Variants in SAMD12 observed in about 807,000 individuals in gnomAD.
The protein encoded by SAMD12 is sterile alpha motif domain containing 12.
In SAMD12, 9 loss-of-function variants were observed where a neutral mutation model predicts 15.0. The observed-to-expected ratio is 0.60, with a 90% CI of 0.36 to 1.05. The LOEUF is 1.05. Ranked by LOEUF, SAMD12 falls within the 50% of genes least tolerant of loss-of-function variation. The probability of loss-of-function intolerance (pLI) is 0.01; values close to 1 mark genes in which losing one functional copy is unlikely to be tolerated. For synonymous variants in SAMD12, 86 were observed against 90.1 expected, an observed-to-expected ratio of 0.96 and a Z score of 0.25; for missense variants, 230 against 234.2, an observed-to-expected ratio of 0.98 and a Z score of 0.12.
chr8:118,488,626 C>G (rs916868534), intron 2 of SAMD12, among the ~76,000 whole-genome samples: 1 of 152,154 alleles, frequency 6.6e-6, no homozygotes, highest in Non-Finnish European at 1.5e-5. Context: ...TGGGGTGATA[C>G]AGCATACAGT....
At chr8:118,336,219 G>C (rs1817052511) in intron 4 of SAMD12, among the ~76,000 whole-genome samples, 1 of 152,132 alleles carries the variant, frequency 6.6e-6, no homozygotes, top group African/African-American at 2.4e-5. Context: ...TTTCCTTCTA[G>C]AAAAGGTAAT....
At chr8:118,429,711 T>C (rs1051738731) in intron 3 of SAMD12, among the ~76,000 whole-genome samples, 7 of 152,086 alleles carry the variant, frequency 4.6e-5, no homozygotes, top group African/African-American at 1.4e-4. Flanking sequence ...CTGGCCAACA[T>C]TGTGAAATCC....
At chr8:118,168,063 G>T in the SAMD12 span, among the ~76,000 whole-genome samples, 1 of 152,128 alleles carries the variant, frequency 6.6e-6, no homozygotes, top group African/African-American at 2.4e-5. Context: ...TAGTGAATAC[G>T]TCTCATGAAA....
At chr8:118,261,505 A>G (rs1813076674) in intron 4 of SAMD12, among the ~76,000 whole-genome samples, 1 of 152,142 alleles carries the variant, frequency 6.6e-6, no homozygotes, top group Non-Finnish European at 1.5e-5. Context: ...ATGACACATT[A>G]AATGATCGTC....
chr8:118,299,446 G>A (rs1049826788), intron 4 of SAMD12, among the ~76,000 whole-genome samples: 1 of 152,158 alleles, frequency 6.6e-6, no homozygotes, highest in African/African-American at 2.4e-5. Flanking sequence ...GTCTCTACAC[G>A]TCCAGTGGTT....
intron 4 of SAMD12, among the ~76,000 whole-genome samples, chr8:118,266,549 G>A (rs1009395298): frequency 6.6e-6 from 1 of 152,106 alleles, no homozygotes; most frequent in Non-Finnish European, 1.5e-5. Context: ...CATGTTCATT[G>A]CAGCATTATT....
chr8:118,563,741 A>G (rs1456536338), intron 2 of SAMD12, among the ~76,000 whole-genome samples: 1 of 152,222 alleles, frequency 6.6e-6, no homozygotes, highest in Non-Finnish European at 1.5e-5. Flanking sequence ...TTGCCTGTCA[A>G]TATTCTCAGA....
intron 4 of SAMD12, among the ~76,000 whole-genome samples, chr8:118,344,681 G>C (rs139372529): frequency 1.3e-5 from 2 of 152,198 alleles, no homozygotes; most frequent in East Asian, 3.8e-4. Context: ...GTCATAGCTC[G>C]ACTAGACAGT....
chr8:118,550,323 G>C (rs1448617457), intron 2 of SAMD12, among the ~76,000 whole-genome samples: 3 of 152,196 alleles, frequency 2.0e-5, no homozygotes, highest in Admixed American at 6.5e-5. Context: ...GACTAACAGT[G>C]GATCTCTCTG....
rs183537433 is a variant in SAMD12 at position 118,447,951 on chromosome 8, A to G, written c.193-7990T>C. Among the ~76,000 whole-genome samples the G allele has an allele frequency of 7.3e-3, 1,107 of 151,328 alleles. 6 individuals are homozygous for G. Among genetic ancestry groups the G allele is most frequent in the Non-Finnish European group, 9.8e-3 (665 of 67,860 alleles). On this transcript the variant is annotated intron_variant, in intron 2 of 3. Coordinates refer to ENST00000314727, the MANE Select transcript of SAMD12 (RefSeq NM_207506.3). ...CACTGTGTTAGCCAAGATGGTCTTGATCTCCTGACCTCGTGATCTGCCCAC... is the reference window on the plus strand; with the variant it reads ...CACTGTGTTAGCCAAGATGGTCTTGGTCTCCTGACCTCGTGATCTGCCCAC...
chr8:118,531,064 C>T (rs1340883626), intron 2 of SAMD12, among the ~76,000 whole-genome samples: 3 of 152,174 alleles, frequency 2.0e-5, no homozygotes, highest in East Asian at 1.9e-4. Flanking sequence ...GGTTTTAGGT[C>T]TAATGTTTAA....
chr8:118,406,702 G>A (rs1367754413), intron 3 of SAMD12, among the ~76,000 whole-genome samples: 1 of 151,974 alleles, frequency 6.6e-6, no homozygotes, highest in East Asian at 1.9e-4. Flanking sequence ...AACTCCCTAG[G>A]CCCTGGCAAC....
Position 118,332,176 on chromosome 8 carries a change from G to A in SAMD12, c.433+47384C>T, listed in dbSNP as rs143442925. Reference sequence around the variant, plus strand: ...GAAATAATAGCTTTTGTAAATATATGTACTCCTGAAAGGCTGAAAGTGTAT... The same window carrying A: ...GAAATAATAGCTTTTGTAAATATATATACTCCTGAAAGGCTGAAAGTGTAT... On this transcript the variant is annotated intron_variant, in intron 4 of 4. Coordinates refer to the SAMD12 transcript ENST00000409003. Among the ~76,000 whole-genome samples the A allele has an allele frequency of 1.1e-4, 16 of 152,270 alleles. No homozygotes were observed. In the South Asian group the frequency reaches 2.7e-3, roughly 26 times the overall value.
chr8:118,268,900 T>C (rs1586403476), intron 4 of SAMD12, among the ~76,000 whole-genome samples: 2 of 152,202 alleles, frequency 1.3e-5, no homozygotes, highest in Non-Finnish European at 2.9e-5. Context: ...CTCTCAGATA[T>C]GACTGGTGAA....
chr8:118,209,854 C>A (rs1316545662), intron 4 of SAMD12, among the ~76,000 whole-genome samples: 1 of 152,170 alleles, frequency 6.6e-6, no homozygotes, highest in Non-Finnish European at 1.5e-5. Flanking sequence ...TCTAGAGAAG[C>A]TATTCACAAA....
intron 4 of SAMD12, among the ~76,000 whole-genome samples, chr8:118,310,923 C>T (rs1053580146): frequency 3.4e-4 from 51 of 152,110 alleles, no homozygotes; most frequent in African/African-American, 1.2e-3. Context: ...TCTTTGTATC[C>T]TCTGTATCTT....
intron 4 of SAMD12, among the ~76,000 whole-genome samples, chr8:118,368,274 C>A (rs1040275880): frequency 1.3e-5 from 2 of 152,102 alleles, no homozygotes; most frequent in African/African-American, 2.4e-5. Context: ...AGATCATAAT[C>A]AAATAAGGTT....
chr8:118,554,715 A>T (rs1349529845), intron 2 of SAMD12, among the ~76,000 whole-genome samples: 3 of 152,082 alleles, frequency 2.0e-5, no homozygotes, highest in African/African-American at 7.2e-5. Context: ...ATCTACAACC[A>T]ATTGACTTTA....
rs930074475 is a variant in SAMD12 at position 118,355,143 on chromosome 8, C to G, written c.433+24417G>C. 2.4e-4 allele frequency among the ~76,000 whole-genome samples: 36 copies of G among 152,180 alleles called. 1 individual carries two copies. Among genetic ancestry groups the G allele is most frequent in the Admixed American group, 1.3e-4 (2 of 15,270 alleles). On this transcript the variant is annotated intron_variant, in intron 4 of 4. Transcript: ENST00000409003. ...GCAAAAATATGGAACCAACCCAAAT[C>G]CCCATCAATCAACAAGGGGATAAAG... is the stretch of plus-strand genomic sequence containing the variant.
Sources: gnomAD v4.1 joint callset for allele counts (sites outside exome capture counted in the v4.1 genomes callset) on GRCh38, gnomAD v4.1.1 for gene constraint, MANE v1.5 for transcripts, NCBI Gene and HGNC (gene_info 2026-07-23, HGNC 2026-07-21) for gene names.